The following C2orf92 variants were observed in gnomAD, a reference collection of about 807,000 sequenced individuals.
The protein encoded by C2orf92 is chromosome 2 open reading frame 92.
At chr2:97,668,306 C>G (rs1207007659), upstream of C2orf92, 1 of 152,190 alleles carries the variant, frequency 6.6e-6, no homozygotes, top group Non-Finnish European at 1.5e-5. Flanking sequence ...GTCCTAGCCA[C>G]CCCGCCGAAC....
chr2:97,674,429 A>C (rs1339809585), intron 1 of C2orf92, 27 bp from the exon 2 acceptor site: 1 of 398,446 alleles, frequency 2.5e-6, no homozygotes, highest in African/African-American at 2.1e-5. Context: ...TGCTGATATT[A>C]ACATGCCTTT....
At chr2:97,700,391 A>T (rs1201166624) in intron 6 of C2orf92, among the ~76,000 whole-genome samples, 1 of 152,168 alleles carries the variant, frequency 6.6e-6, no homozygotes, top group Non-Finnish European at 1.5e-5. Flanking sequence ...AAGAGGTTAT[A>T]TCACTGCCCT....
intron 3 of C2orf92, among the ~76,000 whole-genome samples, chr2:97,686,582 G>A (rs1020910693): frequency 6.6e-6 from 1 of 152,060 alleles, no homozygotes; most frequent in Non-Finnish European, 1.5e-5. Context: ...ACCATGCCCC[G>A]CTAATTTTTT....
chr2:97,670,487 G>A (rs1477905571), intron 1 of C2orf92: 11 of 111,124 alleles, frequency 9.9e-5, no homozygotes, highest in African/African-American at 2.8e-4. Flanking sequence ...GTGGGATCCT[G>A]TCTCAAAAAA....
chr2:97,684,331 G>C (rs997714417), intron 3 of C2orf92, among the ~76,000 whole-genome samples: 1 of 152,038 alleles, frequency 6.6e-6, no homozygotes, highest in African/African-American at 2.4e-5. Context: ...CACCGTGCCC[G>C]GCCAGTCAAT....
upstream of C2orf92, chr2:97,664,141 G>A (rs1675122662): frequency 8.1e-6 from 2 of 247,194 alleles, no homozygotes; most frequent in Non-Finnish European, 7.7e-6. Context: ...GCCTCCGGAG[G>A]CTGGCCAGCC....
chr2:97,672,026 A>G (rs1339082578), intron 1 of C2orf92, among the ~76,000 whole-genome samples: 1 of 152,216 alleles, frequency 6.6e-6, no homozygotes, highest in Non-Finnish European at 1.5e-5. Flanking sequence ...CATGTGAGAA[A>G]AACTAAGGCC....
intron 3 of C2orf92, among the ~76,000 whole-genome samples, 169 bp downstream of exon 3, chr2:97,676,097 T>C (rs1360340842): frequency 1.4e-4 from 22 of 151,984 alleles, no homozygotes; most frequent in Non-Finnish European, 1.5e-5. Flanking sequence ...TAAATTAAGC[T>C]AAACGTGGAA....
upstream of C2orf92, chr2:97,665,754 TATATATATA>T (rs1352701932): frequency 1.6e-3 from 179 of 110,592 alleles, 2 homozygotes; most frequent in African/African-American, 5.2e-3. Context: ...TATATATATA[TATATATATA>T]TATATATATA....
chr2:97,685,473 G>C (rs1409207123), intron 3 of C2orf92, among the ~76,000 whole-genome samples: 1 of 151,944 alleles, frequency 6.6e-6, no homozygotes, highest in Non-Finnish European at 1.5e-5. Flanking sequence ...CACTGTGTTA[G>C]CCAGGATGGT....
intron 6 of C2orf92, among the ~76,000 whole-genome samples, chr2:97,700,643 T>C (rs1050253683): frequency 6.6e-6 from 1 of 152,140 alleles, no homozygotes; most frequent in African/African-American, 2.4e-5. Flanking sequence ...AAATAGCAGA[T>C]GAATGCATAT....
At chr2:97,683,523 A>G (rs1480177414) in intron 3 of C2orf92, among the ~76,000 whole-genome samples, 1 of 148,730 alleles carries the variant, frequency 6.7e-6, no homozygotes, top group Non-Finnish European at 1.5e-5. Context: ...CAACACAATA[A>G]GACCTGGTAT....
Position 97,680,247 on chromosome 2 carries a change from C to T in C2orf92, c.232+4319C>T, listed in dbSNP as rs1001781840. 6.6e-5 allele frequency among the ~76,000 whole-genome samples: 10 copies of T among 152,214 alleles called. No individual in the cohort carries two copies. The East Asian group carries it at 1.4e-3, about 21-fold the overall frequency. ...ATGGGAGGCAGAGGTTGCAGTGAGC[C>T]GAGATCATGCCACTGCATTTCAGCC... On this transcript the variant is annotated intron_variant, in intron 3 of 7. Coordinates refer to ENST00000627399, the MANE Select transcript of C2orf92 (RefSeq NM_001351368.2).
At chr2:97,666,165 A>G (rs1466724983), upstream of C2orf92, among the ~76,000 whole-genome samples, 2 of 152,022 alleles carry the variant, frequency 1.3e-5, no homozygotes, top group African/African-American at 4.8e-5. Context: ...CCTTGCAGGC[A>G]TTACTAAACT....
chr2:97,677,589 AG>A (rs1675624250), intron 3 of C2orf92: 1 of 152,228 alleles, frequency 6.6e-6, no homozygotes, highest in Non-Finnish European at 1.5e-5. Flanking sequence ...ACTGAAAGAG[AG>A]GATTAGATTT....
At chr2:97,664,005 C>T, upstream of C2orf92, 1 of 559,354 alleles carries the variant, frequency 1.8e-6, no homozygotes. Context: ...TGCCCTCCCT[C>T]CCCGAGCCTG....
intron 2 of C2orf92, chr2:97,675,566 C>G: frequency 3.0e-6 from 1 of 331,062 alleles, no homozygotes; most frequent in Non-Finnish European, 5.4e-6. Flanking sequence ...TACCCGTTTT[C>G]CTGTAGCATT....
At chr2:97,689,373 G>A (rs758007408) in intron 4 of C2orf92, among the ~76,000 whole-genome samples, 3 of 152,174 alleles carry the variant, frequency 2.0e-5, no homozygotes, top group East Asian at 1.9e-4. Context: ...AGTGCACAAC[G>A]TGGTTTGAGA....
chr2:97,697,646 A>G (rs1676354509), intron 5 of C2orf92, among the ~76,000 whole-genome samples: 2 of 152,220 alleles, frequency 1.3e-5, no homozygotes, highest in South Asian at 4.1e-4. Flanking sequence ...GAATACCTAG[A>G]ACTTCATGAG....
Sources: gnomAD v4.1 joint callset for allele counts (sites outside exome capture counted in the v4.1 genomes callset) on GRCh38, gnomAD v4.1.1 for gene constraint, MANE v1.5 for transcripts, NCBI Gene and HGNC (gene_info 2026-07-23, HGNC 2026-07-21) for gene names.